SLC14A2: variants seen among roughly 807,000 people sequenced by gnomAD.
SLC14A2 encodes solute carrier family 14 member 2, also known as urea transporter 2.
In SLC14A2, 91 loss-of-function variants were observed where a neutral mutation model predicts 104.6. The ratio of observed to expected loss-of-function variants is 0.87; its 90% confidence interval spans 0.73 to 1.04. SLC14A2 has a LOEUF of 1.04. SLC14A2 is among the 50% of genes least tolerant of loss of function. The probability of loss-of-function intolerance (pLI) is 0.00; values close to 1 mark genes in which losing one functional copy is unlikely to be tolerated. For synonymous variants in SLC14A2, 476 were observed against 466.4 expected, an observed-to-expected ratio of 1.02 and a Z score of -0.27; for missense variants, 1,189 against 1,156.0, an observed-to-expected ratio of 1.03 and a Z score of -0.41.
intron 1 of SLC14A2, among the ~76,000 whole-genome samples, chr18:45,323,480 A>G (rs2085204739): frequency 6.6e-6 from 1 of 152,234 alleles, no homozygotes; most frequent in Non-Finnish European, 1.5e-5. Flanking sequence ...ATGGAGGTTT[A>G]AGAAGTATAA....
chr18:45,624,356 C>T (rs531037194), intron 1 of SLC14A2, among the ~76,000 whole-genome samples: 8 of 152,328 alleles, frequency 5.3e-5, no homozygotes, highest in South Asian at 4.1e-4. Flanking sequence ...AAAAAACACT[C>T]AGTGATCAAG....
chr18:45,198,406 C>T, the SLC14A2 span, among the ~76,000 whole-genome samples: 5 of 152,038 alleles, frequency 3.3e-5, no homozygotes, highest in African/African-American at 4.8e-5. Flanking sequence ...AACATTGCAT[C>T]TAGTTGGTCA....
intron 2 of SLC14A2, among the ~76,000 whole-genome samples, chr18:45,554,297 G>T (rs938088490): frequency 6.6e-6 from 1 of 152,152 alleles, no homozygotes; most frequent in Non-Finnish European, 1.5e-5. Flanking sequence ...GGAGTTGGGG[G>T]GAAGAAGGGG....
At chr18:45,413,260 GGA>G (rs1009933598) in intron 1 of SLC14A2, among the ~76,000 whole-genome samples, 4 of 152,022 alleles carry the variant, frequency 2.6e-5, no homozygotes, top group African/African-American at 9.7e-5. Flanking sequence ...AATTTGTTGC[GGA>G]GAATCTCCTC....
At chr18:45,600,468 C>T (rs1410510420) in intron 2 of SLC14A2, among the ~76,000 whole-genome samples, 2 of 152,288 alleles carry the variant, frequency 1.3e-5, no homozygotes, top group Non-Finnish European at 2.9e-5. Flanking sequence ...AGGCCCTCCA[C>T]CTCAACCACA....
At chr18:45,566,181 A>C (rs953350068) in intron 2 of SLC14A2, among the ~76,000 whole-genome samples, 17 of 151,960 alleles carry the variant, frequency 1.1e-4, no homozygotes, top group Non-Finnish European at 2.2e-4. Context: ...CTAGGCGTTC[A>C]GCACTCCCAA....
chr18:45,186,409 C>CA, the SLC14A2 span, among the ~76,000 whole-genome samples: 4 of 151,930 alleles, frequency 2.6e-5, no homozygotes, highest in African/African-American at 7.3e-5. Context: ...TATTTGTAGG[C>CA]AAAAAAATTA....
At chr18:45,606,794 G>C (rs2044879632) in intron 2 of SLC14A2, among the ~76,000 whole-genome samples, 1 of 145,592 alleles carries the variant, frequency 6.9e-6, no homozygotes, top group Non-Finnish European at 1.5e-5. Context: ...GGAATGCTAA[G>C]AAATCTAATT....
At chr18:45,640,659 A>T (rs2045510192) in intron 7 of SLC14A2, among the ~76,000 whole-genome samples, 1 of 152,120 alleles carries the variant, frequency 6.6e-6, no homozygotes, top group African/African-American at 2.4e-5. Context: ...GCAAAACTTT[A>T]AAAAGTATTT....
chr18:45,363,372 G>T (rs2085634204), intron 1 of SLC14A2, among the ~76,000 whole-genome samples: 3 of 146,220 alleles, frequency 2.1e-5, no homozygotes, highest in Admixed American at 1.3e-4. Flanking sequence ...TAAAGAAAAA[G>T]AAAGAAAGAA....
At chr18:45,255,579 T>C (rs2084468907) in intron 1 of SLC14A2, among the ~76,000 whole-genome samples, 1 of 152,182 alleles carries the variant, frequency 6.6e-6, no homozygotes, top group Non-Finnish European at 1.5e-5. Context: ...TTTCAGAAAG[T>C]GATTGCCTGT....
the SLC14A2 span, chr18:45,169,085 G>A: frequency 6.6e-6 from 1 of 152,108 alleles, no homozygotes; most frequent in Non-Finnish European, 1.5e-5. Context: ...GGATTTGAGA[G>A]TTTGACTCAC....
At chr18:45,445,552 C>T (rs955579057) in intron 1 of SLC14A2, among the ~76,000 whole-genome samples, 2 of 152,028 alleles carry the variant, frequency 1.3e-5, no homozygotes, top group African/African-American at 2.4e-5. Context: ...GGGAGATTGC[C>T]CAATCTCTCT....
intron 2 of SLC14A2, among the ~76,000 whole-genome samples, chr18:45,560,098 T>C (rs918030304): frequency 2.0e-5 from 3 of 152,220 alleles, no homozygotes; most frequent in Non-Finnish European, 2.9e-5. Context: ...TTCATCGTCA[T>C]CTGCCTATTC....
intron 2 of SLC14A2, among the ~76,000 whole-genome samples, chr18:45,489,199 A>G (rs543815160): frequency 6.6e-6 from 1 of 152,316 alleles, no homozygotes; most frequent in African/African-American, 2.4e-5. Flanking sequence ...AGGGCTTCAC[A>G]TTTTATGTAA....
intron 1 of SLC14A2, among the ~76,000 whole-genome samples, chr18:45,269,580 G>C (rs1352920025): frequency 6.6e-6 from 1 of 152,112 alleles, no homozygotes; most frequent in Non-Finnish European, 1.5e-5. Flanking sequence ...TGATGAAATA[G>C]ATGAAATGCC....
chr18:45,584,009 A>T (rs983746577), intron 2 of SLC14A2, among the ~76,000 whole-genome samples: 2 of 152,240 alleles, frequency 1.3e-5, no homozygotes, highest in Non-Finnish European at 2.9e-5. Flanking sequence ...AAATATTTTT[A>T]AAATTATTAC....
intron 1 of SLC14A2, among the ~76,000 whole-genome samples, chr18:45,257,903 G>A (rs1241336597): frequency 3.3e-5 from 5 of 152,134 alleles, no homozygotes; most frequent in Non-Finnish European, 7.4e-5. Flanking sequence ...ACATCCTCTG[G>A]GAGAAATATC....
chr18:45,605,173 G>A (rs1050717979), intron 2 of SLC14A2, among the ~76,000 whole-genome samples: 1 of 152,180 alleles, frequency 6.6e-6, no homozygotes, highest in African/African-American at 2.4e-5. Flanking sequence ...ACGCACGGTA[G>A]ACAAGGACCA....
Sources: allele counts gnomAD v4.1 joint callset (sites outside exome capture counted in the v4.1 genomes callset), GRCh38; gene constraint gnomAD v4.1.1; transcripts MANE v1.5; gene names NCBI Gene and HGNC (gene_info 2026-07-23, HGNC 2026-07-21).